BMP6: variants seen among roughly 807,000 people sequenced by gnomAD.
BMP6 encodes the protein bone morphogenetic protein 6.
BMP6 carries 17 observed loss-of-function variants against 54.1 expected under a neutral mutation model. The observed-to-expected ratio is 0.31, with a 90% CI of 0.22 to 0.47. BMP6 has a LOEUF of 0.47. Ranked by LOEUF, BMP6 falls within the 20% of genes least tolerant of loss-of-function variation. The pLI, the probability that BMP6 is intolerant of heterozygous loss-of-function variation, is 1.00. For missense variants in BMP6, 720 were observed against 690.4 expected, an observed-to-expected ratio of 1.04 and a Z score of -0.48; for synonymous variants, 328 against 291.2, an observed-to-expected ratio of 1.13 and a Z score of -1.28.
At chr6:7,855,378 C>T (rs1187784675) in intron 2 of BMP6, among the ~76,000 whole-genome samples, 2 of 152,010 alleles carry the variant, frequency 1.3e-5, no homozygotes, top group African/African-American at 4.8e-5. Flanking sequence ...TGAGGGGCAG[C>T]AATCCATGTG....
chr6:7,742,684 A>G (rs975455145), intron 1 of BMP6, among the ~76,000 whole-genome samples: 2 of 152,246 alleles, frequency 1.3e-5, no homozygotes, highest in Non-Finnish European at 2.9e-5. Context: ...CATTGGTGAA[A>G]TGAATCAGGC....
chr6:7,872,013 G>C (rs1364713142), intron 4 of BMP6, among the ~76,000 whole-genome samples: 1 of 152,114 alleles, frequency 6.6e-6, no homozygotes, highest in Non-Finnish European at 1.5e-5. Flanking sequence ...CGGGGGTGGT[G>C]GGGGAGGCTC....
chr6:7,786,603 C>T (rs1469852662), intron 1 of BMP6, among the ~76,000 whole-genome samples: 1 of 151,974 alleles, frequency 6.6e-6, no homozygotes, highest in African/African-American at 2.4e-5. Context: ...GGCAGGCCAT[C>T]GACTTAGCTG....
At chr6:7,742,072 G>T (rs1757274693) in intron 1 of BMP6, among the ~76,000 whole-genome samples, 1 of 152,174 alleles carries the variant, frequency 6.6e-6, no homozygotes, top group Admixed American at 6.5e-5. Flanking sequence ...GCATTTGAAC[G>T]AGAGAATTAC....
chr6:7,863,671 C>T (rs1409395578), intron 4 of BMP6, among the ~76,000 whole-genome samples: 1 of 152,124 alleles, frequency 6.6e-6, no homozygotes, highest in Non-Finnish European at 1.5e-5. Context: ...ATTCAAAGGG[C>T]AAGAGAGAGA....
At chr6:7,784,524 G>A (rs1185833411) in intron 1 of BMP6, among the ~76,000 whole-genome samples, 2 of 152,122 alleles carry the variant, frequency 1.3e-5, no homozygotes, top group African/African-American at 4.8e-5. Context: ...GCAAAATAAA[G>A]CTTCTCTGTG....
At chr6:7,776,765 G>A (rs899876675) in intron 1 of BMP6, among the ~76,000 whole-genome samples, 31 of 152,234 alleles carry the variant, frequency 2.0e-4, no homozygotes, top group African/African-American at 5.8e-4. Context: ...ATTTTCCCAC[G>A]TCAGTGCCCC....
chr6:7,858,168 C>T (rs1759278490), intron 2 of BMP6, among the ~76,000 whole-genome samples: 1 of 152,312 alleles, frequency 6.6e-6, no homozygotes, highest in East Asian at 1.9e-4. Flanking sequence ...CTGCAGCCTC[C>T]ACTTCCCCGG....
chr6:7,856,379 T>C (rs1300052890), intron 2 of BMP6, among the ~76,000 whole-genome samples: 1 of 151,868 alleles, frequency 6.6e-6, no homozygotes, highest in Admixed American at 6.6e-5. Context: ...TTTTTTTTAC[T>C]TTCATTCTAT....
chr6:7,866,374 A>G (rs747803307), intron 4 of BMP6, among the ~76,000 whole-genome samples: 1 of 152,206 alleles, frequency 6.6e-6, no homozygotes, highest in Non-Finnish European at 1.5e-5. Context: ...CTCAGGTTCT[A>G]TAGCTCCAGT....
chr6:7,865,767 G>T (rs1195459864), intron 4 of BMP6, among the ~76,000 whole-genome samples: 1 of 152,200 alleles, frequency 6.6e-6, no homozygotes, highest in Non-Finnish European at 1.5e-5. Context: ...GGAAAAGATT[G>T]CATTGTCTCT....
intron 4 of BMP6, among the ~76,000 whole-genome samples, chr6:7,863,482 G>T (rs2113279648): frequency 6.6e-6 from 1 of 152,308 alleles, no homozygotes; most frequent in South Asian, 2.1e-4. Context: ...CTCAACCTCA[G>T]ACAGAGCCCT....
intron 1 of BMP6, 125 bp from the exon 2 acceptor site, chr6:7,845,015 C>A: frequency 7.2e-6 from 6 of 830,208 alleles, no homozygotes; most frequent in Non-Finnish European, 1.2e-5. Context: ...ACTACCCGAT[C>A]CCCGTAGTAA....
At chr6:7,809,383 G>A (rs1325578350) in intron 1 of BMP6, among the ~76,000 whole-genome samples, 1 of 152,166 alleles carries the variant, frequency 6.6e-6, no homozygotes, top group Non-Finnish European at 1.5e-5. Flanking sequence ...TGTGCAAAAT[G>A]TGCCTCTTGC....
rs567452244 is a variant in BMP6, at chr6:7,875,581, T to C, written c.1205-3493T>C. 3.4e-3 allele frequency among the ~76,000 whole-genome samples: 517 copies of C among 152,216 alleles called. 4 individuals carry two copies. Among genetic ancestry groups the C allele is most frequent in the African/African-American group, 0.011 (466 of 41,536 alleles). On this transcript the variant is annotated intron_variant, in intron 4 of 6. Coordinates refer to ENST00000283147, the MANE Select transcript of BMP6 (RefSeq NM_001718.6). ...CTGCTTGGGAGGCTGAGTGGGAGGATTGCTTGAGCCCAGGAGGTCAAGTCT... is the reference window on the plus strand; with the variant it reads ...CTGCTTGGGAGGCTGAGTGGGAGGACTGCTTGAGCCCAGGAGGTCAAGTCT...
intron 2 of BMP6, among the ~76,000 whole-genome samples, chr6:7,848,584 A>C (rs1423625868): frequency 6.6e-6 from 1 of 152,176 alleles, no homozygotes; most frequent in East Asian, 1.9e-4. Context: ...ATATTTGAGA[A>C]ATACCTCCTG....
At chr6:7,809,729 G>A (rs937707427) in intron 1 of BMP6, among the ~76,000 whole-genome samples, 4 of 152,256 alleles carry the variant, frequency 2.6e-5, no homozygotes, top group South Asian at 2.1e-4. Context: ...TTTTAGGGTC[G>A]ACAGCCCAAT....
At chr6:7,854,434 A>T (rs181685762) in intron 2 of BMP6, among the ~76,000 whole-genome samples, 1 of 152,224 alleles carries the variant, frequency 6.6e-6, no homozygotes, top group African/African-American at 2.4e-5. Context: ...CCCACCTTGG[A>T]CGGGAATGTG....
intron 1 of BMP6, among the ~76,000 whole-genome samples, chr6:7,787,438 A>G (rs1192031579): frequency 3.3e-5 from 5 of 152,214 alleles, no homozygotes; most frequent in African/African-American, 9.7e-5. Context: ...CAGTTGCAAC[A>G]CAGTCCTTGG....
Sources: allele counts gnomAD v4.1 joint callset (sites outside exome capture counted in the v4.1 genomes callset), GRCh38; gene constraint gnomAD v4.1.1; transcripts MANE v1.5; gene names NCBI Gene and HGNC (gene_info 2026-07-23, HGNC 2026-07-21).